ZC3H8: variants seen among roughly 807,000 people sequenced by gnomAD.
The protein encoded by ZC3H8 is zinc finger CCCH domain-containing protein 8.
In ZC3H8, 27 loss-of-function variants were observed where a neutral mutation model predicts 42.5. That is an observed-to-expected ratio of 0.64 (90% CI 0.47 to 0.88). The LOEUF (loss-of-function observed/expected upper bound fraction) is 0.88, where lower values mean the gene tolerates loss of function less well. ZC3H8 is among the 40% of genes least tolerant of loss of function. ZC3H8 has a pLI of 0.00. For synonymous variants in ZC3H8, 101 were observed against 110.1 expected, an observed-to-expected ratio of 0.92 and a Z score of 0.52; for missense variants, 277 against 336.1, an observed-to-expected ratio of 0.82 and a Z score of 1.37.
rs764561525 is a variant in ZC3H8 at position 112,238,513 on chromosome 2, T to C, written c.172A>G (p.Ile58Val). The C allele has an allele frequency of 2.5e-6, 4 of 1,609,688 alleles. No homozygotes were observed. The highest frequency in any genetic ancestry group is 2.2e-5 in the South Asian group (2 of 90,414). ...QIPKKFRHSA[I>V]SPKSSLHRKS... ...CTATGCAGCGAACTTTTTGGTGATA[T>C]TGCAGAGTGTCTAAACTAAGTAAAA... The change falls in exon 3 of 9, where the codon ATA (isoleucine) becomes GTA (valine). Residue 58 changes from isoleucine (I) to valine (V), a missense_variant. Physicochemically the swap from Ile to Val is conservative, Grantham distance 29 (BLOSUM62 3). Coordinates refer to ENST00000409573, the MANE Select transcript of ZC3H8 (RefSeq NM_032494.3).
rs180724689 is a variant in ZC3H8 at position 112,254,176 on chromosome 2, A to G, written c.74+732T>C. 1.0e-4 allele frequency: 98 copies of G among 984,214 alleles called. No homozygotes were observed. In the African/African-American group the frequency reaches 1.6e-3, roughly 16 times the overall value. 61.0% of individuals were successfully genotyped at this position (984,214 alleles called of 1,614,324 possible). On this transcript the variant is annotated intron_variant, in intron 1 of 8. Transcript: ENST00000409573. ...TGACCAATATCGAATGGTAAAATCAATCACAACTGGAAATATATCTCAGTT... is the reference window on the plus strand; with the variant it reads ...TGACCAATATCGAATGGTAAAATCAGTCACAACTGGAAATATATCTCAGTT...
chr2:112,232,055 G>GCACC (rs774937311), intron 6 of ZC3H8, 108 bp from the exon 7 acceptor site: 11 of 559,562 alleles, frequency 2.0e-5, no homozygotes, highest in Admixed American at 3.6e-5. Flanking sequence ...CGGGCGAGGT[G>GCACC]GCTCATGCCT....
intron 2 of ZC3H8, among the ~76,000 whole-genome samples, chr2:112,245,482 C>T (rs1685727154): frequency 1.3e-5 from 2 of 152,152 alleles, no homozygotes; most frequent in Admixed American, 6.5e-5. Context: ...AGTGAAACCC[C>T]GTCTCTACTA....
At chr2:112,236,993 C>T (rs1685363750) in intron 3 of ZC3H8, among the ~76,000 whole-genome samples, 1 of 152,166 alleles carries the variant, frequency 6.6e-6, no homozygotes, top group South Asian at 2.1e-4. Context: ...CCAAGGTGTT[C>T]AAGGTTACAG....
intron 2 of ZC3H8, among the ~76,000 whole-genome samples, chr2:112,245,989 T>G (rs547549655): frequency 6.6e-6 from 1 of 152,350 alleles, no homozygotes; most frequent in South Asian, 2.1e-4. Context: ...AGCTGGTGAC[T>G]TTAAGTTGAA....
intron 2 of ZC3H8, chr2:112,238,731 C>T: frequency 6.9e-6 from 3 of 437,896 alleles, no homozygotes; most frequent in South Asian, 8.1e-5. Context: ...GAATTAAAAA[C>T]AAACTAACAA....
chr2:112,248,091 C>T (rs188925112), intron 2 of ZC3H8, among the ~76,000 whole-genome samples: 39 of 152,254 alleles, frequency 2.6e-4, no homozygotes, highest in African/African-American at 7.2e-4. Context: ...TTCGGGAGGC[C>T]GAGGCTGGCA....
chr2:112,239,579 CTTTTTTTTTTTT>C (rs200972008), intron 2 of ZC3H8, among the ~76,000 whole-genome samples: 5 of 86,486 alleles, frequency 5.8e-5, no homozygotes, highest in South Asian at 3.7e-4. Flanking sequence ...TAACAGTTTA[CTTTTTTTTTTTT>C]TTTTTTTTTT....
chr2:112,229,948 A>C (rs181802599), intron 8 of ZC3H8, among the ~76,000 whole-genome samples: 214 of 152,004 alleles, frequency 1.4e-3, no homozygotes, highest in African/African-American at 4.8e-3. Flanking sequence ...GCCGCAAAAA[A>C]AAAAAACAAA....
chr2:112,233,611 G>A (rs1017382136), intron 5 of ZC3H8, among the ~76,000 whole-genome samples: 1 of 152,202 alleles, frequency 6.6e-6, no homozygotes, highest in Non-Finnish European at 1.5e-5. Flanking sequence ...GCTCACGCCT[G>A]TAATCCCAGC....
chr2:112,250,497 A>C (rs926249858), intron 1 of ZC3H8, among the ~76,000 whole-genome samples: 1 of 152,242 alleles, frequency 6.6e-6, no homozygotes, highest in African/African-American at 2.4e-5. Context: ...ATAAAGCCTT[A>C]ATGTTCAAGT....
chr2:112,250,883 A>C (rs1685923067), intron 1 of ZC3H8, among the ~76,000 whole-genome samples: 1 of 152,200 alleles, frequency 6.6e-6, no homozygotes, highest in South Asian at 2.1e-4. Context: ...TTTAAGTGTA[A>C]AGATGAAAAA....
chr2:112,233,247 T>A lies in ZC3H8; in HGVS notation c.733+13A>T. The A allele has an allele frequency of 6.7e-7, 1 of 1,492,528 alleles. No homozygotes were observed. Among genetic ancestry groups the A allele is most frequent in the South Asian group, 1.3e-5 (1 of 79,742 alleles). The allele number at this position is 1,492,528 out of a possible 1,614,324, so 92.5% of individuals were successfully genotyped here. On this transcript the variant is annotated intron_variant, in intron 6 of 8. Transcript: ENST00000409573. The stretch of plus-strand genomic sequence containing the variant: ...ATATTTATAAAGTCACCATATCTTG[T>A]GATAAAGGATATTATGCAAATACAG...
intron 2 of ZC3H8, among the ~76,000 whole-genome samples, chr2:112,249,081 C>T (rs1685856875): frequency 6.6e-6 from 1 of 152,132 alleles, no homozygotes; most frequent in African/African-American, 2.4e-5. Flanking sequence ...TGGTGCACAC[C>T]TGTAATCCCA....
chr2:112,254,576 G>A (rs1010848781), intron 1 of ZC3H8, among the ~76,000 whole-genome samples: 2 of 152,346 alleles, frequency 1.3e-5, no homozygotes, highest in Middle Eastern at 3.4e-3. Context: ...AGACGCTACG[G>A]GACCACAGAG....
Position 112,250,209 on chromosome 2 carries a change from G to C in ZC3H8, c.138C>G (p.Cys46Trp). The C allele has an allele frequency of 6.4e-7, 1 of 1,565,700 alleles. No homozygotes were observed. Among genetic ancestry groups the C allele is most frequent in the Non-Finnish European group, 8.7e-7 (1 of 1,153,928 alleles). ...ATCTTACTTTTTTGGGAATTTGCTC[G>C]CACTCCAGTTTAATTTTCTCTTCTT... Reference protein sequence around the residue: ...ETQEEKIKLECEQIPKKFRHS... With the variant: ...ETQEEKIKLEWEQIPKKFRHS... Residue 46 changes from cysteine to tryptophan, a missense_variant, in exon 2 of 9, where the codon TGC becomes TGG. Cys to Trp is a radical substitution (Grantham distance 215, BLOSUM62 -2). Coordinates refer to ENST00000409573, the MANE Select transcript of ZC3H8 (RefSeq NM_032494.3).
At chr2:112,248,107 C>T (rs1198897093) in intron 2 of ZC3H8, among the ~76,000 whole-genome samples, 2 of 152,220 alleles carry the variant, frequency 1.3e-5, no homozygotes, top group African/African-American at 4.8e-5. Context: ...TGGCAGATCA[C>T]TTGAGCTCTG....
chr2:112,249,385 C>T (rs1685867978), intron 2 of ZC3H8, among the ~76,000 whole-genome samples: 1 of 152,150 alleles, frequency 6.6e-6, no homozygotes, highest in African/African-American at 2.4e-5. Flanking sequence ...CTGCCAACAC[C>T]TTGTGCTGGG....
In ZC3H8 at chr2:112,250,141, GA is replaced by G. The variant is rs536361463; in HGVS notation, c.156+49del. ...TTTTTGTTGTTCCATGTGAAACTGAGAAAAAAAAATCTGCGTTTTCAACTTA... is the reference window on the plus strand; with the variant it reads ...TTTTTGTTGTTCCATGTGAAACTGAGAAAAAAAATCTGCGTTTTCAACTTA... On this transcript the variant is annotated intron_variant, in intron 2 of 8. Coordinates refer to ENST00000409573, the MANE Select transcript of ZC3H8 (RefSeq NM_032494.3). The G allele has an allele frequency of 4.6e-5, 63 of 1,371,264 alleles. 1 individual carries two copies. The Middle Eastern group carries it at 5.5e-4, about 12-fold the overall frequency. 84.9% of individuals were successfully genotyped at this position (1,371,264 alleles called of 1,614,324 possible).
Sources: allele counts gnomAD v4.1 joint callset (sites outside exome capture counted in the v4.1 genomes callset), GRCh38; gene constraint gnomAD v4.1.1; transcripts MANE v1.5; gene names NCBI Gene and HGNC (gene_info 2026-07-23, HGNC 2026-07-21).